The following SLC1A4 variants were observed in gnomAD, a reference collection of about 807,000 sequenced individuals.
SLC1A4 encodes the protein neutral amino acid transporter A.
Under a neutral mutation model 37.7 loss-of-function variants are expected in SLC1A4, and 19 were observed. That is an observed-to-expected ratio of 0.50 (90% confidence interval 0.35 to 0.74). The LOEUF is 0.74. SLC1A4 is among the 30% of genes least tolerant of loss of function. The pLI, the probability that SLC1A4 is intolerant of heterozygous loss-of-function variation, is 0.01. For synonymous variants in SLC1A4, 299 were observed against 309.8 expected (o/e 0.97, Z 0.37); for missense variants, 570 against 712.9 (o/e 0.80, Z 2.28).
At chr2:64,990,939 TC>T (rs1457515345) in intron 1 of SLC1A4, among the ~76,000 whole-genome samples, 2 of 152,218 alleles carry the variant, frequency 1.3e-5, no homozygotes, top group Non-Finnish European at 2.9e-5. Flanking sequence ...TGATGTAGTA[TC>T]CTTTCTGTGA....
intron 1 of SLC1A4, among the ~76,000 whole-genome samples, chr2:64,990,878 A>T (rs906218964): frequency 2.0e-5 from 3 of 152,198 alleles, no homozygotes; most frequent in Admixed American, 2.0e-4. Context: ...ATCTTCACTT[A>T]GTTTTGCCTG....
chr2:65,016,306 G>A (rs1417159161), intron 4 of SLC1A4, 134 bp from the exon 5 acceptor site: 5 of 710,724 alleles, frequency 7.0e-6, no homozygotes, highest in East Asian at 5.1e-5. Flanking sequence ...TGACTGTTTC[G>A]GTTCCTCGGG....
chr2:64,995,340 G>C (rs1325321186), intron 1 of SLC1A4, among the ~76,000 whole-genome samples: 1 of 152,204 alleles, frequency 6.6e-6, no homozygotes, highest in Non-Finnish European at 1.5e-5. Flanking sequence ...ATGGTTGTGA[G>C]GATTAAATGA....
rs781754102 is a variant in SLC1A4, at chr2:65,016,526, A to C, written c.887A>C (p.Lys296Thr). ...ATCGTGCTGGTGACCAGCCTGGGGA[A>C]ATACATCTTCGCATCTATATTGGGC... ...DIIVLVTSLGKYIFASILGHV... is the reference protein window; with the variant it reads ...DIIVLVTSLGTYIFASILGHV... The change falls in exon 5 of 8, where the codon AAA becomes ACA. Residue 296 changes from lysine to threonine, a missense_variant. Transcript: ENST00000234256. 1 of 1,614,208 alleles carries C rather than the reference A, an allele frequency of 6.2e-7. No individual in the cohort carries two copies. Among genetic ancestry groups the C allele is most frequent in the Non-Finnish European group, 8.5e-7 (1 of 1,180,026 alleles).
intron 1 of SLC1A4, among the ~76,000 whole-genome samples, chr2:64,995,491 C>T (rs1052368509): frequency 6.6e-6 from 1 of 152,160 alleles, no homozygotes; most frequent in Non-Finnish European, 1.5e-5. Context: ...TTCAGCCTTA[C>T]CCTTTCCAGC....
At chr2:65,013,631 G>T (rs1030309222) in intron 4 of SLC1A4, among the ~76,000 whole-genome samples, 2 of 152,210 alleles carry the variant, frequency 1.3e-5, no homozygotes, top group Admixed American at 6.5e-5. Context: ...TCTAACTGCA[G>T]CAAGAGAGCG....
In SLC1A4 at chr2:65,020,966, T is replaced by A. The variant is rs1207729722; in HGVS notation, c.1419T>A (p.Ile473=). The change falls in exon 8 of 8, where the codon ATT becomes ATA. Residue 473 remains isoleucine, a synonymous_variant. Coordinates refer to ENST00000234256, the MANE Select transcript of SLC1A4 (RefSeq NM_003038.5). ...NVEGDALGAG[I]LHHLNQKATK... ...AAGGGGATGCCCTGGGTGCAGGCAT[T>A]CTCCACCACCTGAATCAGAAGGCAA... The A allele has an allele frequency of 3.1e-6, 5 of 1,613,958 alleles. No homozygotes were observed. The highest frequency in any genetic ancestry group is 4.2e-6 in the Non-Finnish European group (5 of 1,180,006).
At chr2:64,997,241 A>T (rs970590030) in intron 1 of SLC1A4, among the ~76,000 whole-genome samples, 1 of 152,210 alleles carries the variant, frequency 6.6e-6, no homozygotes, top group African/African-American at 2.4e-5. Flanking sequence ...AAAAAAGTTC[A>T]GCCCTCCCAT....
rs149232575 is a variant in SLC1A4, at chr2:65,010,629, C to T, written c.666C>T (p.Asn222=). ...IPIGTEIEGM[N]ILGLVLFALV... is the part of the protein sequence containing the mutation. ...TAGGCACTGAGATAGAAGGGATGAA[C>T]ATTTTAGGATTGGTCCTGTTTGCTC... The change falls in exon 4 of 8, where the codon AAC becomes AAT. Residue 222 remains asparagine (N), a synonymous_variant. Coordinates refer to ENST00000234256, the MANE Select transcript of SLC1A4 (RefSeq NM_003038.5). The T allele has an allele frequency of 1.8e-4, 294 of 1,613,218 alleles. No individual in the cohort carries two copies. Among genetic ancestry groups the T allele is most frequent in the Non-Finnish European group, 2.1e-4 (247 of 1,179,670 alleles).
chr2:64,995,209 A>G lies in SLC1A4; in HGVS notation c.527+5039A>G, dbSNP rs2300548. 3.3e-5 allele frequency among the ~76,000 whole-genome samples: 5 copies of G among 152,206 alleles called. No homozygotes were observed. The East Asian group carries it at 9.6e-4, about 29-fold the overall frequency. On this transcript the variant is annotated intron_variant, in intron 1 of 7. Transcript: ENST00000234256. ...TGATGAAGAGCAGACACTAAAGCCA[A>G]CCACCTGGGTTTGAAGCCCAGCTCT...
At chr2:65,001,105 G>T in intron 1 of SLC1A4, 1 of 208,888 alleles carries the variant, frequency 4.8e-6, no homozygotes, top group Non-Finnish European at 9.5e-6. Context: ...TATCTACTGT[G>T]GCCCAGCAGC....
rs910479208 is a variant in SLC1A4, at chr2:65,016,494, A to G, written c.855A>G (p.Lys285=). ...FLVGSKIVEM[K]DIIVLVTSLG... ...TTGGAAGCAAGATCGTGGAAATGAA[A>G]GACATCATCGTGCTGGTGACCAGCC... Residue 285 remains lysine, a synonymous_variant, in exon 5 of 8, where the codon AAA becomes AAG. Coordinates refer to ENST00000234256, the MANE Select transcript of SLC1A4 (RefSeq NM_003038.5). 1.2e-6 allele frequency: 2 copies of G among 1,614,208 alleles called. No individual in the cohort carries two copies. The highest frequency in any genetic ancestry group is 2.7e-5 in the African/African-American group (2 of 75,046).
intron 4 of SLC1A4, among the ~76,000 whole-genome samples, chr2:65,014,006 A>C (rs776448989): frequency 9.9e-5 from 15 of 152,242 alleles, no homozygotes; most frequent in Non-Finnish European, 1.6e-4. Flanking sequence ...CTCCTGGATT[A>C]AACTGACCAG....
chr2:64,997,098 T>G (rs1485347658), intron 1 of SLC1A4, among the ~76,000 whole-genome samples: 2 of 152,110 alleles, frequency 1.3e-5, no homozygotes, highest in African/African-American at 2.4e-5. Context: ...AGGAGGGCAC[T>G]GCTCCTGCTC....
intron 1 of SLC1A4, among the ~76,000 whole-genome samples, chr2:64,996,384 C>A (rs536577111): frequency 1.3e-5 from 2 of 152,278 alleles, no homozygotes; most frequent in East Asian, 3.9e-4. Context: ...TCAAGTAGAT[C>A]TCTCAGGATC....
At chr2:65,007,226 CAAG>C (rs1167358027) in intron 3 of SLC1A4, among the ~76,000 whole-genome samples, 6 of 151,854 alleles carry the variant, frequency 4.0e-5, no homozygotes, top group Non-Finnish European at 8.8e-5. Flanking sequence ...TGATAGGCAC[CAAG>C]AAGAACATTA....
Position 65,018,336 on chromosome 2 carries a change from T to G in SLC1A4, c.1229+71T>G, listed in dbSNP as rs1674251225. On this transcript the variant is annotated intron_variant, in intron 6 of 7. Transcript: ENST00000234256. This position sits in a 1 kb window ranked among gnomAD's most constrained non-coding sequence, Gnocchi z 4.3. Reference sequence around the variant, plus strand: ...TGTGATTTCCTTTGAAAAACCAATCTCACCACAACTTGGTGTCTCGCTCAT... The same window carrying G: ...TGTGATTTCCTTTGAAAAACCAATCGCACCACAACTTGGTGTCTCGCTCAT... 6.6e-7 allele frequency: 1 copy of G among 1,507,812 alleles called. No homozygotes were observed. Among genetic ancestry groups the G allele is most frequent in the African/African-American group, 1.4e-5 (1 of 72,402 alleles). 93.4% of individuals were successfully genotyped at this position (1,507,812 alleles called of 1,614,324 possible). A position where few individuals can be genotyped will look rare whatever the true frequency, so the allele number is the denominator to read the frequency against.
intron 3 of SLC1A4, among the ~76,000 whole-genome samples, chr2:65,004,275 CAG>C (rs1673591164): frequency 6.6e-6 from 1 of 152,070 alleles, no homozygotes; most frequent in African/African-American, 2.4e-5. Flanking sequence ...TTGTTTGAAA[CAG>C]GGTCTCGCTC....
intron 4 of SLC1A4, 143 bp downstream of exon 4, chr2:65,010,906 TACAGGGGATGATGGA>T (rs1232897543): frequency 9.9e-6 from 8 of 809,812 alleles, no homozygotes; most frequent in Middle Eastern, 3.7e-4. Flanking sequence ...CCAGGCTTGG[TACAGGGGATGATGGA>T]AGTGGAGACA....
Sources: allele counts gnomAD v4.1 joint callset (sites outside exome capture counted in the v4.1 genomes callset), GRCh38; gene constraint gnomAD v4.1.1; non-coding constraint Gnocchi (gnomAD v3.1); transcripts MANE v1.5; gene names NCBI Gene and HGNC (gene_info 2026-07-23, HGNC 2026-07-21).